The following PRMT8 variants were observed in gnomAD, a reference collection of about 807,000 sequenced individuals.
The protein encoded by PRMT8 is protein arginine methyltransferase 8.
A neutral mutation model predicts 47.1 loss-of-function variants in PRMT8; 7 were observed. The ratio of observed to expected loss-of-function variants is 0.15; its 90% CI spans 0.08 to 0.28. The LOEUF is 0.28. Among genes scored for constraint, PRMT8 ranks in the 10% least tolerant of loss-of-function variants. The pLI is 1.00. For synonymous variants in PRMT8, 188 were observed against 186.5 expected, an observed-to-expected ratio of 1.01 and a Z score of -0.07; for missense variants, 237 against 505.4, an observed-to-expected ratio of 0.47 and a Z score of 5.09.
intron 1 of PRMT8, among the ~76,000 whole-genome samples, chr12:3,420,757 C>T (rs947935876): frequency 3.3e-5 from 5 of 152,204 alleles, no homozygotes; most frequent in Admixed American, 3.3e-4. Context: ...GATTTCCTCC[C>T]AGTAAGTTCC....
rs74678751 is a variant in PRMT8 at position 3,540,764 on chromosome 12, C to T, written c.234C>T (p.Asp78=). The part of the protein sequence containing the change: ...EEMTSRDYYF[D]SYAHFGIHEE... The stretch of plus-strand genomic sequence containing the variant: ...TGACCTCGAGAGATTATTACTTCGA[C>T]TCCTATGCCCACTTTGGGATCCACG... The change falls in exon 2 of 10, where the codon GAC becomes GAT. Residue 78 remains aspartate (D), a synonymous_variant. Coordinates refer to ENST00000382622, the MANE Select transcript of PRMT8 (RefSeq NM_019854.5). 1.7e-3 allele frequency: 2,676 copies of T among 1,614,052 alleles called. 28 individuals are homozygous for T. The African/African-American group carries it at 0.026, about 15-fold the overall frequency.
intron 1 of PRMT8, among the ~76,000 whole-genome samples, chr12:3,382,375 C>G (rs565481321): frequency 2.6e-5 from 4 of 152,338 alleles, no homozygotes; most frequent in African/African-American, 9.6e-5. Flanking sequence ...CCCGGTTTCT[C>G]TGCGTCCTCA....
chr12:3,533,125 G>T (rs750883246), intron 1 of PRMT8, among the ~76,000 whole-genome samples: 19 of 152,172 alleles, frequency 1.2e-4, no homozygotes, highest in Admixed American at 2.6e-4. Context: ...TAAAACAGGG[G>T]GTTCCAAATG....
At chr12:3,554,927 C>T (rs897918281) in intron 4 of PRMT8, among the ~76,000 whole-genome samples, 2 of 152,188 alleles carry the variant, frequency 1.3e-5, no homozygotes, top group African/African-American at 4.8e-5. Context: ...CTGGGTCTGA[C>T]CTGAGTCCCC....
At chr12:3,494,484 G>T (rs1370586380) in intron 1 of PRMT8, among the ~76,000 whole-genome samples, 2 of 152,194 alleles carry the variant, frequency 1.3e-5, no homozygotes, top group Non-Finnish European at 2.9e-5. Flanking sequence ...CCCCACTTCT[G>T]ATTCATTGCT....
chr12:3,549,463 C>A (rs1037247481), intron 2 of PRMT8, among the ~76,000 whole-genome samples: 1 of 151,614 alleles, frequency 6.6e-6, no homozygotes, highest in South Asian at 2.1e-4. Context: ...CACTGCAAAG[C>A]CAATATGCTG....
chr12:3,440,194 C>T (rs1864784235), intron 1 of PRMT8, among the ~76,000 whole-genome samples: 1 of 152,198 alleles, frequency 6.6e-6, no homozygotes, highest in Admixed American at 6.5e-5. Flanking sequence ...GGCGTGGTGG[C>T]TCACGCCTGT....
intron 1 of PRMT8, among the ~76,000 whole-genome samples, chr12:3,446,938 C>T (rs117869772): frequency 6.6e-6 from 1 of 152,314 alleles, no homozygotes; most frequent in Non-Finnish European, 1.5e-5. Flanking sequence ...CTGGGAAAAA[C>T]AATTCCACAT....
intron 1 of PRMT8, among the ~76,000 whole-genome samples, chr12:3,474,236 G>C (rs1865187196): frequency 6.6e-6 from 1 of 152,156 alleles, no homozygotes; most frequent in Non-Finnish European, 1.5e-5. Flanking sequence ...GGCTCAGATA[G>C]GCCCAGGTTC....
rs1337646347 is a variant in PRMT8 at position 3,492,495 on chromosome 12, G to A, written c.75+795G>A. On this transcript the variant is annotated intron_variant, in intron 1 of 9. Transcript: ENST00000382622. This position sits in a 1 kb window ranked among gnomAD's most constrained non-coding sequence, Gnocchi z 7.5. Reference sequence around the variant, plus strand: ...AGCCACCCGTCCCGCAAGGGCTTTTGAGGAGGTCGCTCTAGCTCCGCAAAT... The same window carrying A: ...AGCCACCCGTCCCGCAAGGGCTTTTAAGGAGGTCGCTCTAGCTCCGCAAAT... Among the ~76,000 whole-genome samples the A allele has an allele frequency of 6.6e-6, 1 of 152,190 alleles. No homozygotes were observed. The highest frequency in any genetic ancestry group is 1.9e-4 in the East Asian group (1 of 5,182).
chr12:3,592,425 C>T, intron 9 of PRMT8, 73 bp downstream of exon 9: 2 of 1,513,644 alleles, frequency 1.3e-6, no homozygotes, highest in Non-Finnish European at 1.8e-6. Context: ...ACCCACTTGC[C>T]CGGGTTCTTA....
At chr12:3,496,010 A>G (rs1035041357) in intron 1 of PRMT8, among the ~76,000 whole-genome samples, 4 of 151,976 alleles carry the variant, frequency 2.6e-5, no homozygotes, top group Admixed American at 2.6e-4. Flanking sequence ...ATTAATCACA[A>G]TGCCCAATTA....
At chr12:3,468,058 C>G (rs1184605308) in intron 1 of PRMT8, among the ~76,000 whole-genome samples, 1 of 152,206 alleles carries the variant, frequency 6.6e-6, no homozygotes, top group African/African-American at 2.4e-5. Context: ...TGTGGCTGAA[C>G]CAAGTTGGGT....
chr12:3,471,375 G>A (rs1295214899), intron 1 of PRMT8, among the ~76,000 whole-genome samples: 1 of 152,072 alleles, frequency 6.6e-6, no homozygotes, highest in Non-Finnish European at 1.5e-5. Context: ...ACCCTTCCAG[G>A]TTACTGTCAG....
At chr12:3,515,102 A>G (rs4765738) in intron 1 of PRMT8, among the ~76,000 whole-genome samples, 150,031 of 152,364 alleles carry the variant, frequency 0.98, 73,914 homozygotes, top group East Asian at 1. Context: ...CTAAGACACA[A>G]ATGGGTTCAG....
At chr12:3,553,883 C>G (rs578230379) in intron 4 of PRMT8, among the ~76,000 whole-genome samples, 169 bp downstream of exon 4, 1 of 152,200 alleles carries the variant, frequency 6.6e-6, no homozygotes, top group Non-Finnish European at 1.5e-5. Context: ...CTGATGTTCC[C>G]CCCGACACCA....
chr12:3,567,729 A>G (rs576622289), intron 4 of PRMT8, among the ~76,000 whole-genome samples: 1 of 152,336 alleles, frequency 6.6e-6, no homozygotes, highest in South Asian at 2.1e-4. Flanking sequence ...CACAAAAGTA[A>G]GCTACTATCA....
intron 1 of PRMT8, among the ~76,000 whole-genome samples, chr12:3,468,330 GGAGGAGATGTTT>G (rs1314461715): frequency 1.3e-5 from 2 of 152,232 alleles, no homozygotes; most frequent in Non-Finnish European, 2.9e-5. Flanking sequence ...TCGGCCAGGA[GGAGGAGATGTTT>G]GATAGTTCTG....
At chr12:3,587,622 A>G (rs934168008) in intron 8 of PRMT8, among the ~76,000 whole-genome samples, 1 of 152,060 alleles carries the variant, frequency 6.6e-6, no homozygotes, top group African/African-American at 2.4e-5. Context: ...ATTATCCTGA[A>G]TTTTGTGTTC....
Sources: allele counts gnomAD v4.1 joint callset (sites outside exome capture counted in the v4.1 genomes callset), GRCh38; gene constraint gnomAD v4.1.1; non-coding constraint Gnocchi (gnomAD v3.1); transcripts MANE v1.5; gene names NCBI Gene and HGNC (gene_info 2026-07-23, HGNC 2026-07-21).